GABRB3: variants seen among roughly 807,000 people sequenced by gnomAD.
The protein encoded by GABRB3 is gamma-aminobutyric acid receptor subunit beta-3.
GABRB3 carries 14 observed loss-of-function variants against 52.1 expected under a neutral mutation model. The ratio of observed to expected loss-of-function variants is 0.27; its 90% CI spans 0.18 to 0.42. The LOEUF (loss-of-function observed/expected upper bound fraction) is 0.42. Ranked by LOEUF, GABRB3 falls within the 10% of genes least tolerant of loss-of-function variation. The probability of loss-of-function intolerance (pLI) is 1.00; values close to 1 mark genes in which losing one functional copy is unlikely to be tolerated. For missense variants in GABRB3, 307 were observed against 609.1 expected (o/e 0.50, Z 5.22); for synonymous variants, 260 against 232.3 (o/e 1.12, Z -1.08).
At chr15:26,619,805 TCA>T in intron 4 of GABRB3, among the ~76,000 whole-genome samples, 2 of 151,854 alleles carry the variant, frequency 1.3e-5, no homozygotes, top group Non-Finnish European at 2.9e-5. Flanking sequence ...CTCTTCCCCA[TCA>T]CACACACATG....
At chr15:26,706,365 G>A (rs1365246271) in intron 3 of GABRB3, among the ~76,000 whole-genome samples, 1 of 151,666 alleles carries the variant, frequency 6.6e-6, no homozygotes, top group Non-Finnish European at 1.5e-5. Flanking sequence ...TCCTTCCTTG[G>A]AAATTCACAC....
chr15:26,560,808 G>T, intron 8 of GABRB3, 124 bp downstream of exon 8: 1 of 1,416,232 alleles, frequency 7.1e-7, no homozygotes, highest in Non-Finnish European at 9.9e-7. Context: ...TATATCACAA[G>T]TACAAGAAGG....
chr15:26,687,457 G>C (rs1270399686), intron 3 of GABRB3, among the ~76,000 whole-genome samples: 1 of 152,056 alleles, frequency 6.6e-6, no homozygotes, highest in Non-Finnish European at 1.5e-5. Flanking sequence ...AGCGTGACCT[G>C]ACACATCTCG....
intron 3 of GABRB3, among the ~76,000 whole-genome samples, chr15:26,660,171 G>A (rs567292129): frequency 1.3e-5 from 2 of 151,370 alleles, no homozygotes; most frequent in Admixed American, 6.6e-5. Context: ...TGGAGGTTGC[G>A]GTGAGTCGAG....
At chr15:26,573,130 T>C (rs1595450616) in intron 6 of GABRB3, among the ~76,000 whole-genome samples, 2 of 152,292 alleles carry the variant, frequency 1.3e-5, no homozygotes, top group East Asian at 3.9e-4. Context: ...AGCTCACTTA[T>C]CACATGCTCC....
chr15:26,647,258 T>G (rs752177299), intron 3 of GABRB3, among the ~76,000 whole-genome samples: 1 of 152,278 alleles, frequency 6.6e-6, no homozygotes, highest in African/African-American at 2.4e-5. Flanking sequence ...TACATGTTCC[T>G]TGTCAGTTAT....
intron 3 of GABRB3, among the ~76,000 whole-genome samples, chr15:26,690,602 G>A (rs1223571406): frequency 1.3e-5 from 2 of 151,854 alleles, no homozygotes; most frequent in African/African-American, 4.8e-5. Flanking sequence ...GATGGGTAGT[G>A]GGCACACTCT....
At chr15:26,565,527 T>A (rs1890134423) in intron 7 of GABRB3, among the ~76,000 whole-genome samples, 1 of 152,150 alleles carries the variant, frequency 6.6e-6, no homozygotes, top group South Asian at 2.1e-4. Context: ...CATGCCTTTA[T>A]CCCAGCAAAG....
intron 3 of GABRB3, among the ~76,000 whole-genome samples, chr15:26,768,865 A>G (rs961841554): frequency 6.6e-6 from 1 of 152,344 alleles, no homozygotes; most frequent in East Asian, 1.9e-4. Flanking sequence ...TTGGAAATGC[A>G]TAACTCCACT....
intron 3 of GABRB3, among the ~76,000 whole-genome samples, chr15:26,635,010 A>ATATAT (rs10676156): frequency 0.11 from 7,844 of 74,630 alleles, 1,620 homozygotes; most frequent in East Asian, 0.17. Context: ...ATATATATAT[A>ATATAT]ATATATATAT....
At chr15:26,676,539 C>A (rs1888075578) in intron 3 of GABRB3, among the ~76,000 whole-genome samples, 1 of 152,180 alleles carries the variant, frequency 6.6e-6, no homozygotes, top group South Asian at 2.1e-4. Flanking sequence ...ACTGCCATTT[C>A]TTTATAAGTG....
intron 3 of GABRB3, among the ~76,000 whole-genome samples, chr15:26,659,537 T>A (rs529929910): frequency 1.4e-4 from 21 of 151,906 alleles, no homozygotes; most frequent in African/African-American, 5.1e-4. Context: ...AATAAATAAA[T>A]AAGTAAATAA....
chr15:26,568,604 TC>T (rs1179495303), intron 6 of GABRB3, among the ~76,000 whole-genome samples: 1 of 150,662 alleles, frequency 6.6e-6, no homozygotes, highest in Non-Finnish European at 1.5e-5. Flanking sequence ...TTCAGGCGAT[TC>T]TCTTGCCTCA....
intron 3 of GABRB3, among the ~76,000 whole-genome samples, chr15:26,653,399 C>T (rs1413058347): frequency 1.3e-5 from 2 of 152,174 alleles, no homozygotes; most frequent in African/African-American, 4.8e-5. Context: ...TAAACTGAGT[C>T]AACCAGTTCA....
rs1224993536 is a variant in GABRB3 at position 26,560,979 on chromosome 15, T to C, written c.1033A>G (p.Lys345Glu). 4.3e-6 allele frequency: 7 copies of C among 1,614,066 alleles called. No individual in the cohort carries two copies. Among genetic ancestry groups the C allele is most frequent in the Non-Finnish European group, 5.9e-6 (7 of 1,180,030 alleles). ...CGGTCATTCTTTGCCTTGGCTGTCT[T>C]TTCTGCAAGCTTCTTCTGCCTTTGA... ...GPQRQKKLAE[K>E]TAKAKNDRSK... The change falls in exon 8 of 9, where the codon AAG (lysine) becomes GAG (glutamate). Residue 345 changes from lysine (K) to glutamate (E), a missense_variant. By Grantham distance (56) the Lys-to-Glu change is moderately conservative. Coordinates refer to ENST00000311550, the MANE Select transcript of GABRB3 (RefSeq NM_000814.6).
At chr15:26,725,391 T>C (rs1889743829) in intron 3 of GABRB3, among the ~76,000 whole-genome samples, 1 of 152,094 alleles carries the variant, frequency 6.6e-6, no homozygotes, top group South Asian at 2.1e-4. Flanking sequence ...CTAAGAAGGC[T>C]GGGGAGGACT....
intron 3 of GABRB3, among the ~76,000 whole-genome samples, chr15:26,736,406 T>C (rs1049463536): frequency 3.3e-5 from 5 of 152,240 alleles, no homozygotes; most frequent in African/African-American, 1.2e-4. Context: ...TGCTTCATTT[T>C]AACCTGAGGT....
At chr15:26,677,215 C>G (rs1281200307) in intron 3 of GABRB3, among the ~76,000 whole-genome samples, 1 of 152,208 alleles carries the variant, frequency 6.6e-6, no homozygotes, top group Non-Finnish European at 1.5e-5. Flanking sequence ...GAAGGCTGTT[C>G]TGCCCCCCAA....
intron 3 of GABRB3, among the ~76,000 whole-genome samples, chr15:26,643,580 G>A (rs1302745026): frequency 1.3e-4 from 1 of 7,684 alleles, no homozygotes; most frequent in Non-Finnish European, 3.2e-4. Flanking sequence ...CTTTGAACAA[G>A]GAGAACGTAA....
Sources: gnomAD v4.1 joint callset for allele counts (sites outside exome capture counted in the v4.1 genomes callset) on GRCh38, gnomAD v4.1.1 for gene constraint, MANE v1.5 for transcripts, NCBI Gene and HGNC (gene_info 2026-07-23, HGNC 2026-07-21) for gene names.